Variants in SIN3A observed in about 807,000 individuals in gnomAD.
SIN3A encodes SIN3 transcription regulator family member A, also known as paired amphipathic helix protein Sin3a.
A neutral mutation model predicts 146.1 loss-of-function variants in SIN3A; 14 were observed. The ratio of observed to expected loss-of-function variants is 0.10; its 90% CI spans 0.06 to 0.15. The LOEUF is 0.15. Ranked by LOEUF, SIN3A falls within the 10% of genes least tolerant of loss-of-function variation. The pLI, the probability that SIN3A is intolerant of heterozygous loss-of-function variation, is 1.00. For synonymous variants in SIN3A, 572 were observed against 572.0 expected, an observed-to-expected ratio of 1.00 and a Z score of 0.00; for missense variants, 1,028 against 1,576.0, an observed-to-expected ratio of 0.65 and a Z score of 5.89.
At chr15:75,454,356 C>T (rs1042432201), upstream of SIN3A, among the ~76,000 whole-genome samples, 2 of 152,108 alleles carry the variant, frequency 1.3e-5, no homozygotes, top group African/African-American at 4.8e-5. Context: ...CCCCTCAGCT[C>T]CCCTGCAGGC....
Position 75,412,866 on chromosome 15 carries a change from G to C in SIN3A, c.653C>G (p.Pro218Arg). The change falls in exon 5 of 21, where the codon CCA (proline) becomes CGA (arginine). Residue 218 changes from proline (P) to arginine (R), a missense_variant. Around this residue, in one of 9 missense-constraint regions of SIN3A, gnomAD observed 112 missense variants for 135.7 expected, o/e 0.83. Transcript: ENST00000394947. ...VHQIPTHGIQ[P>R]QPQPPPQHPS... is the part of the protein sequence containing the mutation. ...ATGTTGGGGTGGTGGTTGAGGCTGT[G>C]GCTGGATGCCATGGGTGGGAATCTG... 6.2e-7 allele frequency: 1 copy of C among 1,613,698 alleles called. No individual in the cohort carries two copies. Among genetic ancestry groups the C allele is most frequent in the Non-Finnish European group, 8.5e-7 (1 of 1,179,798 alleles).
In SIN3A at chr15:75,394,602, A is replaced by G. The variant is rs2073269176; in HGVS notation, c.2277+78T>C. The G allele has an allele frequency of 3.3e-6, 4 of 1,226,892 alleles. No individual in the cohort carries two copies. The Admixed American group carries it at 7.0e-5, about 21-fold the overall frequency. The allele number at this position is 1,226,892 out of a possible 1,614,324, so 76.0% of individuals were successfully genotyped here. ...TTAGAGAGTCTCACCTGCATTTAAC[A>G]AAGGTAATTTCCAGAAATCAAAGCT... On this transcript the variant is annotated intron_variant, in intron 14 of 20. Coordinates refer to ENST00000394947, the MANE Select transcript of SIN3A (RefSeq NM_001145358.2).
At chr15:75,436,297 C>G (rs999855725) in intron 1 of SIN3A, 2 of 152,404 alleles carry the variant, frequency 1.3e-5, no homozygotes, top group Non-Finnish European at 2.9e-5. Flanking sequence ...CATGGCGAGA[C>G]TCCATCTCTA....
chr15:75,403,057 C>T (rs2073440639), intron 9 of SIN3A, among the ~76,000 whole-genome samples: 1 of 152,166 alleles, frequency 6.6e-6, no homozygotes, highest in South Asian at 2.1e-4. Flanking sequence ...AAGTAACTGG[C>T]TAGAATTGGG....
intron 12 of SIN3A, among the ~76,000 whole-genome samples, chr15:75,398,608 G>A (rs918948707): frequency 6.6e-6 from 1 of 151,436 alleles, no homozygotes; most frequent in Non-Finnish European, 1.5e-5. Flanking sequence ...AACTCGTGAG[G>A]CAGAGGTTGC....
chr15:75,454,590 C>G (rs896973495), upstream of SIN3A, among the ~76,000 whole-genome samples: 1 of 151,690 alleles, frequency 6.6e-6, no homozygotes, highest in Admixed American at 6.6e-5. Flanking sequence ...TGATGCATTT[C>G]CTTTTCCCGA....
intron 14 of SIN3A, among the ~76,000 whole-genome samples, chr15:75,393,594 C>T (rs1017932822): frequency 1.3e-5 from 2 of 152,114 alleles, no homozygotes; most frequent in African/African-American, 4.8e-5. Flanking sequence ...AGGCTGGTTT[C>T]GAACTTCTGG....
chr15:75,375,769 C>A lies in SIN3A; in HGVS notation c.3487G>T (p.Asp1163Tyr). ...KKTMENVDSL[D>Y]KLECRFKLNS... The stretch of plus-strand genomic sequence containing the variant: ...AGCTTGAATCTACACTCCAGCTTAT[C>A]CAGACTATCCACATTCTCCATGGTC... Residue 1163 changes from aspartate to tyrosine, a missense_variant, in exon 20 of 21, where the codon GAT (aspartate) becomes TAT (tyrosine). Physicochemically the swap from Asp to Tyr is radical, Grantham distance 160. This residue lies in a region of SIN3A where 488 missense variants were observed against 690.2 expected (regional missense o/e 0.71). Coordinates refer to ENST00000394947, the MANE Select transcript of SIN3A (RefSeq NM_001145358.2). 1.2e-6 allele frequency: 2 copies of A among 1,614,140 alleles called. No homozygotes were observed. The highest frequency in any genetic ancestry group is 1.7e-6 in the Non-Finnish European group (2 of 1,180,014).
At chr15:75,406,925 G>C (rs1047363662) in intron 9 of SIN3A, 130 bp downstream of exon 9, 1 of 575,178 alleles carries the variant, frequency 1.7e-6, no homozygotes, top group Admixed American at 3.4e-5. Context: ...ACTCACAACT[G>C]GGAAACTATG....
At chr15:75,443,080 G>C (rs531540089) in intron 1 of SIN3A, among the ~76,000 whole-genome samples, 4 of 152,112 alleles carry the variant, frequency 2.6e-5, no homozygotes, top group Admixed American at 2.0e-4. Flanking sequence ...AGCCTCCCGA[G>C]ATGCTAGGAT....
At chr15:75,401,724 T>C (rs368845869) in intron 10 of SIN3A, 128 bp downstream of exon 10, 9 of 633,080 alleles carry the variant, frequency 1.4e-5, no homozygotes, top group Middle Eastern at 2.6e-4. Flanking sequence ...AGGACTCTTC[T>C]GGCACTAACA....
chr15:75,394,607 TA>T lies in SIN3A; in HGVS notation c.2277+72del, dbSNP rs1203773861. 3.9e-6 allele frequency: 5 copies of T among 1,267,158 alleles called. No individual in the cohort carries two copies. The African/African-American group carries it at 7.5e-5, about 19-fold the overall frequency. The allele number at this position is 1,267,158 out of a possible 1,614,324, so 78.5% of individuals were successfully genotyped here. The stretch of plus-strand genomic sequence containing the variant: ...GAGTCTCACCTGCATTTAACAAAGG[TA>T]ATTTCCAGAAATCAAAGCTGTGCTA... On this transcript the variant is annotated intron_variant, in intron 14 of 20. Coordinates refer to ENST00000394947, the MANE Select transcript of SIN3A (RefSeq NM_001145358.2).
At chr15:75,394,978 C>G in intron 13 of SIN3A, 115 bp from the exon 14 acceptor site, 1 of 914,362 alleles carries the variant, frequency 1.1e-6, no homozygotes, top group Non-Finnish European at 1.6e-6. Context: ...TTAGGTCTCT[C>G]AAAATTACTG....
Position 75,414,253 on chromosome 15 carries a change from T to C in SIN3A, c.425A>G (p.Gln142Arg). ...QVKLQFGSQP[Q>R]VYNDFLDIMK... The stretch of plus-strand genomic sequence containing the variant: ...GATGTCAAGGAAATCATTGTAGACC[T>C]GAGGCTGACTACCAAACTGCAGCTT... The change falls in exon 4 of 21, where the codon CAG becomes CGG. Residue 142 changes from glutamine to arginine, a missense_variant. Transcript: ENST00000394947. 6.4e-7 allele frequency: 1 copy of C among 1,557,042 alleles called. No individual in the cohort carries two copies. The highest frequency in any genetic ancestry group is 1.3e-5 in the South Asian group (1 of 79,818).
chr15:75,442,589 G>C (rs1178055463), intron 1 of SIN3A, among the ~76,000 whole-genome samples: 1 of 146,004 alleles, frequency 6.8e-6, no homozygotes, highest in Non-Finnish European at 1.5e-5. Flanking sequence ...ATCCAGCCTG[G>C]GCAACATAGT....
rs187390873 is a variant in SIN3A at position 75,450,709 on chromosome 15, G to C, written c.-34+714C>G. 2.0e-5 allele frequency among the ~76,000 whole-genome samples: 3 copies of C among 152,364 alleles called. No individual in the cohort carries two copies. In the East Asian group the frequency reaches 5.8e-4, roughly 29 times the overall value. ...GGCAGAAGGCATGACCCAGCCACAA[G>C]AGTAAGTCCTGACACCTCCACAGCT... On this transcript the variant is annotated intron_variant, in intron 1 of 20. Transcript: ENST00000394947.
chr15:75,369,467 CA>C lies in SIN3A; in HGVS notation c.*2511del, dbSNP rs1285593518. 1 of 152,194 alleles carries C rather than the reference CA, an allele frequency of 6.6e-6. No homozygotes were observed. Among genetic ancestry groups the C allele is most frequent in the Non-Finnish European group, 1.5e-5 (1 of 68,020 alleles). 9.4% of individuals were successfully genotyped at this position (152,194 alleles called of 1,614,324 possible). A position where few individuals can be genotyped will look rare whatever the true frequency, so the allele number is the denominator to read the frequency against. On this transcript the variant is annotated 3_prime_UTR_variant, in exon 21 of 21. Coordinates refer to ENST00000394947, the MANE Select transcript of SIN3A (RefSeq NM_001145358.2). The stretch of plus-strand genomic sequence containing the variant: ...GGAAAGGTGACTAAGTACAGAATAA[CA>C]AATGTGATTTAAAACAAAGATAACC...
chr15:75,411,445 C>A (rs1415830669), intron 6 of SIN3A, 47 bp downstream of exon 6: 1 of 1,566,324 alleles, frequency 6.4e-7, no homozygotes, highest in Non-Finnish European at 8.7e-7. Flanking sequence ...GACTAGATGC[C>A]CTAAGAGGGT....
chr15:75,393,974 AT>A (rs1295872034), intron 14 of SIN3A, among the ~76,000 whole-genome samples: 2 of 151,784 alleles, frequency 1.3e-5, no homozygotes, highest in Non-Finnish European at 2.9e-5. Context: ...CGCCTGGCTA[AT>A]TTTTGTATTT....
Sources: gnomAD v4.1 joint callset for allele counts (sites outside exome capture counted in the v4.1 genomes callset) on GRCh38, gnomAD v4.1.1 for gene constraint, gnomAD v4.1.1 regional missense constraint, MANE v1.5 for transcripts, NCBI Gene and HGNC (gene_info 2026-07-23, HGNC 2026-07-21) for gene names.